ZNF84: variants seen among roughly 807,000 people sequenced by gnomAD.
The protein encoded by ZNF84 is zinc finger protein 84, also known as zinc finger protein HPF2.
In ZNF84, 12 loss-of-function variants were observed where a neutral mutation model predicts 14.8. That is an observed-to-expected ratio of 0.81 (90% confidence interval 0.52 to 1.31). The LOEUF (loss-of-function observed/expected upper bound fraction) is 1.31. ZNF84 is among the 50% of genes most tolerant of loss of function. The pLI is 0.00. For missense variants in ZNF84, 859 were observed against 878.6 expected, an observed-to-expected ratio of 0.98 and a Z score of 0.28; for synonymous variants, 347 against 291.1, an observed-to-expected ratio of 1.19 and a Z score of -1.96.
intron 2 of ZNF84, among the ~76,000 whole-genome samples, chr12:133,046,869 A>G (rs1566280671): frequency 8.1e-6 from 1 of 124,042 alleles, no homozygotes; most frequent in Non-Finnish European, 1.6e-5. Context: ...TGATATTTAT[A>G]TTATATATAT....
intron 4 of ZNF84, among the ~76,000 whole-genome samples, chr12:133,053,261 A>T (rs983876519): frequency 6.6e-6 from 1 of 152,244 alleles, no homozygotes; most frequent in Non-Finnish European, 1.5e-5. Flanking sequence ...AATAGGAAAA[A>T]AAGTAAAGAT....
chr12:133,040,944 A>C lies in ZNF84; in HGVS notation c.-190-334A>C, dbSNP rs1048388491. ...AAGTCATCTAGCTGGTAAAGGAAAA[A>C]GTTGATTGAAACTCAAATCTGTTTT... On this transcript the variant is annotated intron_variant, in intron 1 of 4. Transcript: ENST00000539354. 257 of 152,830 alleles carry C rather than the reference A, an allele frequency of 1.7e-3. No individual in the cohort carries two copies. The Middle Eastern group carries it at 0.02, about 12-fold the overall frequency. 9.5% of individuals were successfully genotyped at this position (152,830 alleles called of 1,614,324 possible).
chr12:133,058,411 A>G lies in ZNF84; in HGVS notation c.1696A>G (p.Thr566Ala). 2 of 1,614,096 alleles carry G rather than the reference A, an allele frequency of 1.2e-6. No individual in the cohort carries two copies. Among genetic ancestry groups the G allele is most frequent in the East Asian group, 2.2e-5 (1 of 44,854 alleles). ...SSLATHQRTH[T>A]GEKPYECRDC... ...TCTTGCAACTCATCAGAGAACTCAT[A>G]CTGGAGAAAAACCGTATGAATGCAG... is the stretch of plus-strand genomic sequence containing the variant. Residue 566 changes from threonine (T) to alanine (A), a missense_variant, in exon 5 of 5, where the codon ACT becomes GCT. Thr to Ala is a moderately conservative substitution (Grantham distance 58). Coordinates refer to ENST00000539354, the MANE Select transcript of ZNF84 (RefSeq NM_001289971.2).
At position 133,058,422 on chromosome 12, in the gene ZNF84, A is replaced by AC; in HGVS notation, c.1709dup (p.Tyr571ValfsTer2). The AC allele has an allele frequency of 3.1e-6, 5 of 1,613,846 alleles. No individual in the cohort carries two copies. The highest frequency in any genetic ancestry group is 4.2e-6 in the Non-Finnish European group (5 of 1,179,946). ...ATCAGAGAACTCATACTGGAGAAAA[A>AC]CCGTATGAATGCAGGGACTGTGAAA... is the stretch of plus-strand genomic sequence containing the variant. On this transcript the variant is annotated frameshift_variant, in exon 5 of 5. Coordinates refer to ENST00000539354, the MANE Select transcript of ZNF84 (RefSeq NM_001289971.2). LOFTEE classifies it low-confidence loss of function (END_TRUNC).
intron 1 of ZNF84, chr12:133,039,146 T>C (rs1443121048): frequency 6.6e-6 from 1 of 152,220 alleles, no homozygotes; most frequent in Non-Finnish European, 1.5e-5. Context: ...TGTTCTAAGA[T>C]TTATGTATTA....
chr12:133,039,210 G>A lies in ZNF84; in HGVS notation c.-191+1665G>A, dbSNP rs917379804. The stretch of plus-strand genomic sequence containing the variant: ...TCTTGTATAACTGGGAGAAACTGCT[G>A]TGTGTTTCTGAGTTGGCACTGAAGT... On this transcript the variant is annotated intron_variant, in intron 1 of 4. Coordinates refer to ENST00000539354, the MANE Select transcript of ZNF84 (RefSeq NM_001289971.2). 9.2e-5 allele frequency among the ~76,000 whole-genome samples: 14 copies of A among 152,316 alleles called. No homozygotes were observed. In the East Asian group the frequency reaches 2.5e-3, roughly 27 times the overall value.
intron 4 of ZNF84, among the ~76,000 whole-genome samples, chr12:133,049,277 G>A (rs770987866): frequency 4.6e-5 from 7 of 151,962 alleles, no homozygotes; most frequent in Non-Finnish European, 1.0e-4. Flanking sequence ...AGACACCTCC[G>A]TTTGTACATT....
intron 4 of ZNF84, among the ~76,000 whole-genome samples, chr12:133,056,447 G>T (rs1298328402): frequency 1.3e-5 from 2 of 152,032 alleles, no homozygotes; most frequent in East Asian, 3.9e-4. Flanking sequence ...TAGAGACGGG[G>T]TTTCACCATG....
rs1348152187 is a variant in ZNF84, at chr12:133,037,536, G to A, written c.-200G>A. The A allele has an allele frequency of 3.9e-5, 6 of 152,496 alleles. No homozygotes were observed. The highest frequency in any genetic ancestry group is 1.5e-4 in the African/African-American group (6 of 41,378). The allele number at this position is 152,496 out of a possible 1,614,324, so 9.4% of individuals were successfully genotyped here. On this transcript the variant is annotated 5_prime_UTR_variant, in exon 1 of 5. Coordinates refer to ENST00000539354, the MANE Select transcript of ZNF84 (RefSeq NM_001289971.2). ...GGGCGCGCGGGCGCGACTCGGCGGC[G>A]GCGTCTTTTGTGAGTTCAGTGAGTT...
chr12:133,062,827 G>T lies in ZNF84; in HGVS notation c.*3895G>T. 1 of 446,034 alleles carries T rather than the reference G, an allele frequency of 2.2e-6. No individual in the cohort carries two copies. Among genetic ancestry groups the T allele is most frequent in the Non-Finnish European group, 4.0e-6 (1 of 249,694 alleles). 27.6% of individuals were successfully genotyped at this position (446,034 alleles called of 1,614,324 possible). On this transcript the variant is annotated 3_prime_UTR_variant, in exon 5 of 5. Coordinates refer to ENST00000539354, the MANE Select transcript of ZNF84 (RefSeq NM_001289971.2). ...TTTTCCTCCTATGCAATATTTTCTG[G>T]CCTCTGTGAACAACTTGTAGTTCCT... is the stretch of plus-strand genomic sequence containing the variant.
chr12:133,058,909 A>G lies in ZNF84; in HGVS notation c.2194A>G (p.Thr732Ala). 4 of 1,604,716 alleles carry G rather than the reference A, an allele frequency of 2.5e-6. No individual in the cohort carries two copies. Among genetic ancestry groups the G allele is most frequent in the Non-Finnish European group, 3.4e-6 (4 of 1,175,998 alleles). The change falls in exon 5 of 5, where the codon ACT (threonine) becomes GCT (alanine). Residue 732 changes from threonine to alanine, a missense_variant. Thr to Ala is a moderately conservative substitution (Grantham distance 58). Transcript: ENST00000539354. ...GTCACAGCTCATCAATCATCAGAGA[A>G]CTCATACAGTAAAAAAATCCTAGGA... ...QKSQLINHQR[T>A]HTVKKS
chr12:133,049,725 C>T (rs897760491), intron 4 of ZNF84, among the ~76,000 whole-genome samples: 18 of 152,114 alleles, frequency 1.2e-4, no homozygotes, highest in African/African-American at 2.9e-4. Context: ...TTGTGATTCC[C>T]GCTTTGGTCT....
intron 1 of ZNF84, 44 bp from the exon 2 acceptor site, chr12:133,041,234 A>T (rs1404283689): frequency 1.8e-5 from 9 of 498,632 alleles, no homozygotes; most frequent in African/African-American, 1.8e-4. Flanking sequence ...AAGAGATTTC[A>T]TGTGCAATGT....
chr12:133,046,477 TC>T (rs1238235707), intron 2 of ZNF84, among the ~76,000 whole-genome samples: 1 of 151,596 alleles, frequency 6.6e-6, no homozygotes, highest in Non-Finnish European at 1.5e-5. Context: ...TTTTACCTTT[TC>T]CGTAGAGCCT....
Position 133,055,218 on chromosome 12 carries a change from G to C in ZNF84, c.239-1736G>C, listed in dbSNP as rs7302812. ...TCCATGTCAAGTGCCTAGAATAATT[G>C]TTCATGACATACTGTGAAATAGAAA... On this transcript the variant is annotated intron_variant, in intron 4 of 4. Transcript: ENST00000539354. Among the ~76,000 whole-genome samples, 1,322 of 152,070 alleles carry C rather than the reference G, an allele frequency of 8.7e-3. 21 individuals are homozygous for C. Among genetic ancestry groups the C allele is most frequent in the African/African-American group, 0.03 (1,263 of 41,486 alleles).
intron 1 of ZNF84, among the ~76,000 whole-genome samples, chr12:133,039,850 G>A (rs1488921855): frequency 6.8e-6 from 1 of 147,908 alleles, no homozygotes; most frequent in Non-Finnish European, 1.5e-5. Context: ...CTGTTGGTTT[G>A]GATTTTTTTT....
Position 133,060,673 on chromosome 12 carries a change from A to G in ZNF84, c.*1741A>G, listed in dbSNP as rs1461659546. On this transcript the variant is annotated 3_prime_UTR_variant, in exon 5 of 5. Transcript: ENST00000539354. Reference sequence around the variant, plus strand: ...GTCACATCCTCTTAAGTCAGGAACTATCTGTATAAGGAAACAAGATTTCCA... The same window carrying G: ...GTCACATCCTCTTAAGTCAGGAACTGTCTGTATAAGGAAACAAGATTTCCA... 6.6e-6 allele frequency: 1 copy of G among 152,252 alleles called. No individual in the cohort carries two copies. The highest frequency in any genetic ancestry group is 2.4e-5 in the African/African-American group (1 of 41,468). The allele number at this position is 152,252 out of a possible 1,614,324, so 9.4% of individuals were successfully genotyped here.
chr12:133,043,846 C>T (rs796408927), intron 2 of ZNF84, among the ~76,000 whole-genome samples: 12 of 150,436 alleles, frequency 8.0e-5, no homozygotes, highest in African/African-American at 2.0e-4. Context: ...CTCTGCCTCC[C>T]GGGTTCGAGC....
chr12:133,048,722 C>G, intron 3 of ZNF84, 31 bp from the exon 4 acceptor site: 2 of 1,586,614 alleles, frequency 1.3e-6, no homozygotes, highest in Non-Finnish European at 1.7e-6. Flanking sequence ...AGCAGTTGGG[C>G]CCAAGGCCTT....
Sources: gnomAD v4.1 joint callset for allele counts (sites outside exome capture counted in the v4.1 genomes callset) on GRCh38, gnomAD v4.1.1 for gene constraint, MANE v1.5 for transcripts, NCBI Gene and HGNC (gene_info 2026-07-23, HGNC 2026-07-21) for gene names.